Variants in PRR5L observed in about 807,000 individuals in gnomAD.
PRR5L encodes proline-rich protein 5-like.
PRR5L carries 21 observed loss-of-function variants against 36.4 expected under a neutral mutation model. That is an observed-to-expected ratio of 0.58 (90% CI 0.41 to 0.83). The LOEUF (loss-of-function observed/expected upper bound fraction) is 0.83, where lower values mean the gene tolerates loss of function less well. Among genes scored for constraint, PRR5L ranks in the 40% least tolerant of loss-of-function variants. The pLI, the probability that PRR5L is intolerant of heterozygous loss-of-function variation, is 0.00. For synonymous variants in PRR5L, 188 were observed against 197.0 expected, an observed-to-expected ratio of 0.95 and a Z score of 0.38; for missense variants, 381 against 473.3, an observed-to-expected ratio of 0.80 and a Z score of 1.81.
At chr11:36,310,824 C>T (rs1046230178) in intron 1 of PRR5L, among the ~76,000 whole-genome samples, 6 of 151,850 alleles carry the variant, frequency 4.0e-5, no homozygotes, top group Admixed American at 6.6e-5. Context: ...TGGTGAAACC[C>T]CGTCTCTACT....
At position 36,462,565 on chromosome 11, in the gene PRR5L, G is replaced by C. The variant is rs34680620; in HGVS notation, c.936G>C (p.Leu312=). ...LAMATMMHSG[L]GEEASSENKC... ...TGGCCACCATGATGCACTCGGGCCT[G>C]GGGGAGGAGGCCAGCAGTGAGAACA... The change falls in exon 9 of 9, where the codon CTG becomes CTC. Residue 312 remains leucine (L), a synonymous_variant. Transcript: ENST00000530639. 2 of 1,612,648 alleles carry C rather than the reference G, an allele frequency of 1.2e-6. No individual in the cohort carries two copies. Among genetic ancestry groups the C allele is most frequent in the South Asian group, 1.1e-5 (1 of 90,932 alleles).
At chr11:36,413,958 C>T (rs1275550991) in intron 3 of PRR5L, among the ~76,000 whole-genome samples, 6 of 145,444 alleles carry the variant, frequency 4.1e-5, no homozygotes, top group African/African-American at 1.0e-4. Context: ...TGAGAACATG[C>T]GGTGTTTGGT....
At chr11:36,354,510 A>C (rs1857006572) in intron 1 of PRR5L, among the ~76,000 whole-genome samples, 1 of 152,214 alleles carries the variant, frequency 6.6e-6, no homozygotes. Context: ...TCCTATATGC[A>C]CAGAAGCAGT....
chr11:36,360,154 G>A (rs767985918), intron 1 of PRR5L, among the ~76,000 whole-genome samples: 38 of 151,848 alleles, frequency 2.5e-4, no homozygotes, highest in Admixed American at 5.3e-4. Context: ...TGAATCTCAG[G>A]AGAATCATGA....
intron 1 of PRR5L, among the ~76,000 whole-genome samples, chr11:36,372,261 T>C (rs939759277): frequency 2.6e-5 from 4 of 152,060 alleles, no homozygotes; most frequent in African/African-American, 9.7e-5. Flanking sequence ...GGTTAGGCTC[T>C]GTGCGGGGTA....
intron 3 of PRR5L, among the ~76,000 whole-genome samples, chr11:36,406,950 T>A (rs734904): frequency 0.23 from 34,816 of 152,120 alleles, 5,654 homozygotes; most frequent in African/African-American, 0.47. Context: ...TTTCTAAGTC[T>A]GTTTTGTCTT....
At chr11:36,376,930 G>A (rs1158162415) in intron 1 of PRR5L, among the ~76,000 whole-genome samples, 1 of 152,050 alleles carries the variant, frequency 6.6e-6, no homozygotes, top group Non-Finnish European at 1.5e-5. Context: ...GATCTTACTC[G>A]AGACCACCAT....
chr11:36,457,412 C>G (rs978320502), intron 8 of PRR5L, among the ~76,000 whole-genome samples: 11 of 152,102 alleles, frequency 7.2e-5, no homozygotes, highest in African/African-American at 2.2e-4. Flanking sequence ...CGAGACCATC[C>G]TGGCTAACAC....
chr11:36,459,193 C>T (rs1022332671), intron 8 of PRR5L, among the ~76,000 whole-genome samples: 2 of 152,310 alleles, frequency 1.3e-5, no homozygotes, highest in Non-Finnish European at 2.9e-5. Context: ...CCGCTCAGCT[C>T]GTGACATGAT....
chr11:36,319,518 C>T (rs1040100747), intron 1 of PRR5L, among the ~76,000 whole-genome samples: 3 of 152,194 alleles, frequency 2.0e-5, no homozygotes, highest in Non-Finnish European at 4.4e-5. Flanking sequence ...TCTATCACAG[C>T]TACTGGTCTC....
At chr11:36,421,471 C>T (rs555643771) in intron 4 of PRR5L, among the ~76,000 whole-genome samples, 1 of 152,136 alleles carries the variant, frequency 6.6e-6, no homozygotes, top group African/African-American at 2.4e-5. Flanking sequence ...CTAGTTTTCA[C>T]AGTTTTAAAT....
intron 3 of PRR5L, among the ~76,000 whole-genome samples, chr11:36,410,683 C>T (rs1420003428): frequency 1.3e-5 from 2 of 152,224 alleles, no homozygotes; most frequent in African/African-American, 4.8e-5. Flanking sequence ...AGGATGCCGA[C>T]ACCCGAAGGG....
chr11:36,401,324 A>C, intron 2 of PRR5L, 39 bp downstream of exon 2: 1 of 1,595,144 alleles, frequency 6.3e-7, no homozygotes, highest in Non-Finnish European at 8.5e-7. Flanking sequence ...AGGGCTGCCA[A>C]GGGCCATGGC....
At chr11:36,413,943 A>G (rs1333326064) in intron 3 of PRR5L, among the ~76,000 whole-genome samples, 3 of 137,994 alleles carry the variant, frequency 2.2e-5, no homozygotes, top group South Asian at 2.3e-4. Flanking sequence ...ATTCCCACCT[A>G]TGAGTGAGAA....
intron 3 of PRR5L, among the ~76,000 whole-genome samples, chr11:36,415,569 C>A (rs11033611): frequency 0.097 from 14,760 of 152,196 alleles, 762 homozygotes; most frequent in South Asian, 0.16. Flanking sequence ...AAGGGTGAAA[C>A]CCTATCTCTA....
At chr11:36,334,457 C>A (rs954811839) in intron 1 of PRR5L, among the ~76,000 whole-genome samples, 1 of 152,236 alleles carries the variant, frequency 6.6e-6, no homozygotes, top group Admixed American at 6.5e-5. Context: ...TTGTACCTTA[C>A]TCTTGACTAG....
chr11:36,412,962 G>A (rs990843855), intron 3 of PRR5L, among the ~76,000 whole-genome samples: 2 of 151,990 alleles, frequency 1.3e-5, no homozygotes, highest in Non-Finnish European at 2.9e-5. Context: ...TTTTTTTGGT[G>A]GGGGGAAGGT....
intron 4 of PRR5L, among the ~76,000 whole-genome samples, chr11:36,428,392 C>T (rs1174790583): frequency 2.0e-5 from 3 of 152,164 alleles, no homozygotes; most frequent in African/African-American, 2.4e-5. Flanking sequence ...GTACAAGGGC[C>T]TTAAGAATGC....
At chr11:36,404,063 G>A (rs1352199862) in intron 3 of PRR5L, among the ~76,000 whole-genome samples, 1 of 152,158 alleles carries the variant, frequency 6.6e-6, no homozygotes, top group Non-Finnish European at 1.5e-5. Context: ...AGGTGAACAG[G>A]GCTCCAGTTG....
Sources: gnomAD v4.1 joint callset for allele counts (sites outside exome capture counted in the v4.1 genomes callset) on GRCh38, gnomAD v4.1.1 for gene constraint, MANE v1.5 for transcripts, NCBI Gene and HGNC (gene_info 2026-07-23, HGNC 2026-07-21) for gene names.